Variants in TMEM217B observed in about 807,000 individuals in gnomAD.
The protein encoded by TMEM217B is putative transmembrane protein 217B.
At chr6:37,224,329 T>C in the TMEM217B span, among the ~76,000 whole-genome samples, 39 of 150,282 alleles carry the variant, frequency 2.6e-4, no homozygotes, top group African/African-American at 8.8e-4. Flanking sequence ...CTGGGTGCAG[T>C]GGCTCATGCC....
chr6:37,256,490 C>A, the TMEM217B span, among the ~76,000 whole-genome samples: 1 of 152,140 alleles, frequency 6.6e-6, no homozygotes, highest in East Asian at 1.9e-4. Context: ...GGCTTTTTTT[C>A]TCTGGGTTAA....
chr6:37,247,466 C>T, the TMEM217B span, among the ~76,000 whole-genome samples: 50 of 150,854 alleles, frequency 3.3e-4, no homozygotes, highest in East Asian at 3.7e-3. Context: ...CAGCTCACTG[C>T]AACCTCTGCC....
chr6:37,252,617 G>GTATA, the TMEM217B span, among the ~76,000 whole-genome samples: 64 of 112,290 alleles, frequency 5.7e-4, no homozygotes, highest in Non-Finnish European at 8.5e-4. Flanking sequence ...GTATGTGTGT[G>GTATA]TATATATATA....
the TMEM217B span, among the ~76,000 whole-genome samples, chr6:37,214,966 A>C: frequency 6.6e-6 from 1 of 152,108 alleles, no homozygotes; most frequent in African/African-American, 2.4e-5. Flanking sequence ...TACTCACCTG[A>C]ATTGTCTAAA....
chr6:37,228,529 C>A, the TMEM217B span, among the ~76,000 whole-genome samples: 2 of 152,182 alleles, frequency 1.3e-5, no homozygotes. Context: ...TATGGTGAAA[C>A]CCTGTTTCTA....
chr6:37,246,895 T>C, the TMEM217B span, among the ~76,000 whole-genome samples: 12 of 91,638 alleles, frequency 1.3e-4, no homozygotes, highest in African/African-American at 1.9e-4. Context: ...AGAGCAAGAC[T>C]CTGTCTCAAA....
At chr6:37,257,828 G>A in the TMEM217B span, 4 of 1,453,568 alleles carry the variant, frequency 2.8e-6, no homozygotes, top group Non-Finnish European at 3.7e-6. Context: ...CGGGGAAGCG[G>A]CCTGGGTTGG....
the TMEM217B span, among the ~76,000 whole-genome samples, chr6:37,220,666 A>G: frequency 7.9e-5 from 12 of 152,140 alleles, no homozygotes; most frequent in Non-Finnish European, 1.2e-4. Context: ...GCAGAAGCAA[A>G]TTCAAATCCT....
At chr6:37,215,570 C>CAGAAAAAAAAAA in the TMEM217B span, among the ~76,000 whole-genome samples, 1 of 72,376 alleles carries the variant, frequency 1.4e-5, no homozygotes, top group African/African-American at 6.0e-5. Context: ...GACTCTGTCT[C>CAGAAAAAAAAAA]AAAAAAAAAA....
At chr6:37,251,868 C>A in the TMEM217B span, among the ~76,000 whole-genome samples, 129,641 of 152,206 alleles carry the variant, frequency 0.85, 55,414 homozygotes, top group South Asian at 0.91. Flanking sequence ...TTTTATATGA[C>A]CTAGGAGATA....
At chr6:37,247,730 T>TA in the TMEM217B span, among the ~76,000 whole-genome samples, 12 of 151,976 alleles carry the variant, frequency 7.9e-5, no homozygotes, top group East Asian at 1.9e-4. Context: ...CTTAATCCTG[T>TA]GAAAAAAACT....
At chr6:37,231,226 A>ATTTTTTTTTTTTTTTTTTTTTTTT in the TMEM217B span, among the ~76,000 whole-genome samples, 1 of 87,448 alleles carries the variant, frequency 1.1e-5, no homozygotes, top group Non-Finnish European at 2.2e-5. Flanking sequence ...TGCCTGGCTA[A>ATTTTTTTTTTTTTTTTTTTTTTTT]TTTTTTTTTT....
At chr6:37,215,570 C>CAAAAAAAAAAAAAAAAAAAAAAAAAAAA in the TMEM217B span, among the ~76,000 whole-genome samples, 3 of 72,376 alleles carry the variant, frequency 4.1e-5, no homozygotes, top group African/African-American at 1.2e-4. Context: ...GACTCTGTCT[C>CAAAAAAAAAAAAAAAAAAAAAAAAAAAA]AAAAAAAAAA....
At chr6:37,242,562 G>A in the TMEM217B span, among the ~76,000 whole-genome samples, 1 of 152,102 alleles carries the variant, frequency 6.6e-6, no homozygotes, top group Admixed American at 6.6e-5. Context: ...TGACAAACAG[G>A]GAAACCAGCC....
chr6:37,247,638 G>A, the TMEM217B span, among the ~76,000 whole-genome samples: 2 of 152,054 alleles, frequency 1.3e-5, no homozygotes, highest in East Asian at 1.9e-4. Flanking sequence ...CACCCACTTC[G>A]GCCTCCCAAA....
chr6:37,220,142 G>A, the TMEM217B span, among the ~76,000 whole-genome samples: 2 of 152,200 alleles, frequency 1.3e-5, no homozygotes, highest in Non-Finnish European at 2.9e-5. Context: ...AAATAAAGTA[G>A]AGGGATTTCT....
chr6:37,218,230 C>T, the TMEM217B span: 35 of 1,334,430 alleles, frequency 2.6e-5, no homozygotes, highest in Admixed American at 3.8e-4. Flanking sequence ...AGTGCACTGG[C>T]GCAATCTCGG....
chr6:37,232,518 G>T, the TMEM217B span, among the ~76,000 whole-genome samples: 1 of 152,040 alleles, frequency 6.6e-6, no homozygotes, highest in African/African-American at 2.4e-5. Context: ...CCTGACAATA[G>T]TTTTATACCC....
the TMEM217B span, among the ~76,000 whole-genome samples, chr6:37,257,031 C>T: frequency 6.6e-6 from 1 of 152,310 alleles, no homozygotes; most frequent in East Asian, 1.9e-4. Context: ...GGAGGAGATA[C>T]ATCCTTAACT....
Sources: allele counts gnomAD v4.1 joint callset (sites outside exome capture counted in the v4.1 genomes callset), GRCh38; gene constraint gnomAD v4.1.1; transcripts MANE v1.5; gene names NCBI Gene and HGNC (gene_info 2026-07-23, HGNC 2026-07-21).